DCAF13: variants seen among roughly 807,000 people sequenced by gnomAD.
DCAF13 encodes the protein DDB1- and CUL4-associated factor 13.
A neutral mutation model predicts 59.0 loss-of-function variants in DCAF13; 38 were observed. The ratio of observed to expected loss-of-function variants is 0.64; its 90% confidence interval spans 0.50 to 0.84. DCAF13 has a LOEUF of 0.84. Among genes scored for constraint, DCAF13 ranks in the 40% least tolerant of loss-of-function variants. DCAF13 has a pLI of 0.00. For missense variants in DCAF13, 469 were observed against 558.4 expected (o/e 0.84, Z 1.61); for synonymous variants, 173 against 175.0 (o/e 0.99, Z 0.09).
chr8:103,440,127 T>A lies in DCAF13; in HGVS notation c.951-9T>A. ...TCCAAAGGGTTTTAACTTAATTCGT[T>A]TTCTATAGGGAGGTATATCATACAA... On this transcript the variant is annotated splice_polypyrimidine_tract_variant and intron_variant, in intron 8 of 10. Transcript: ENST00000612750. The A allele has an allele frequency of 6.5e-7, 1 of 1,539,050 alleles. No individual in the cohort carries two copies. Among genetic ancestry groups the A allele is most frequent in the Non-Finnish European group, 8.7e-7 (1 of 1,150,754 alleles).
intron 10 of DCAF13, 191 bp downstream of exon 10, chr8:103,441,809 G>A (rs56413813): frequency 0.013 from 6,922 of 518,292 alleles, 62 homozygotes; most frequent in Non-Finnish European, 0.019. Flanking sequence ...ACGGAGTCTC[G>A]CTCTGGAGTG....
intron 8 of DCAF13, chr8:103,439,883 T>C (rs1816984512): frequency 1.2e-5 from 3 of 245,398 alleles, no homozygotes; most frequent in Admixed American, 1.1e-4. Flanking sequence ...TACATCTGGT[T>C]TTGCTTAGTT....
At chr8:103,437,788 A>T (rs1816951653) in intron 8 of DCAF13, among the ~76,000 whole-genome samples, 1 of 152,212 alleles carries the variant, frequency 6.6e-6, no homozygotes, top group African/African-American at 2.4e-5. Context: ...TATTATTTTT[A>T]AAATAAATTT....
rs1159489554 is a variant in DCAF13, at chr8:103,418,866, ATTTTTTTTTTTTTTTTT to A, written c.71-1379_71-1363del. 7.8e-3 allele frequency among the ~76,000 whole-genome samples: 298 copies of A among 38,436 alleles called. 6 individuals are homozygous for A. Among genetic ancestry groups the A allele is most frequent in the East Asian group, 0.023 (32 of 1,420 alleles). 25.2% of individuals were successfully genotyped at this position (38,436 alleles called of 152,430 possible). On this transcript the variant is annotated intron_variant, in intron 1 of 10. Coordinates refer to ENST00000612750, the MANE Select transcript of DCAF13 (RefSeq NM_015420.7). ...TATATATATATATATATATATATAT[ATTTTTTTTTTTTTTTTT>A]TTTTTTTTTTTTTTTTTTGAGATGA...
rs374540163 is a variant in DCAF13 at position 103,415,511 on chromosome 8, A to G, written c.65A>G (p.Gln22Arg). 3 of 1,608,238 alleles carry G rather than the reference A, an allele frequency of 1.9e-6. No individual in the cohort carries two copies. In the African/African-American group the frequency reaches 4.0e-5, roughly 21 times the overall value. ...GTCCGCGAAACCAAGTTGGACTTAC[A>G]GAGAGGTAAGATAAGTTGGTAGGGA... ...NYVRETKLDL[Q>R]RVPRNYDPAL... Residue 22 changes from glutamine (Q) to arginine (R), a missense_variant, in exon 1 of 11, where the codon CAG becomes CGG. Coordinates refer to ENST00000612750, the MANE Select transcript of DCAF13 (RefSeq NM_015420.7).
chr8:103,418,014 G>A (rs933340754), intron 1 of DCAF13, among the ~76,000 whole-genome samples: 7 of 151,838 alleles, frequency 4.6e-5, no homozygotes, highest in African/African-American at 1.7e-4. Flanking sequence ...TGTAGTCCCA[G>A]CTACTCGGGA....
intron 8 of DCAF13, among the ~76,000 whole-genome samples, chr8:103,437,610 A>T (rs1816949554): frequency 6.6e-6 from 1 of 152,080 alleles, no homozygotes; most frequent in Non-Finnish European, 1.5e-5. Flanking sequence ...GTGTTTAGAT[A>T]TAAATGGTGT....
At position 103,421,021 on chromosome 8, in the gene DCAF13, A is replaced by G. The variant is rs373378051; in HGVS notation, c.317A>G (p.Gln106Arg). Reference sequence around the variant, plus strand: ...CAGCGGAATTGTATCCGTACAATACAAGCACATGAAGGCTTTGTACGAGGA... The same window carrying G: ...CAGCGGAATTGTATCCGTACAATACGAGCACATGAAGGCTTTGTACGAGGA... ...LTQRNCIRTIQAHEGFVRGIC... is the reference protein window; with the variant it reads ...LTQRNCIRTIRAHEGFVRGIC... The change falls in exon 3 of 11, where the codon CAA becomes CGA. Residue 106 changes from glutamine (Q) to arginine (R), a missense_variant. By Grantham distance (43) the Gln-to-Arg change is conservative. Around this residue, in one of 3 missense-constraint regions of DCAF13, gnomAD observed 355 missense variants for 399.1 expected, o/e 0.89. Coordinates refer to ENST00000612750, the MANE Select transcript of DCAF13 (RefSeq NM_015420.7). 1.2e-6 allele frequency: 2 copies of G among 1,613,814 alleles called. No individual in the cohort carries two copies. The highest frequency in any genetic ancestry group is 1.7e-5 in the Admixed American group (1 of 60,016).
At chr8:103,423,014 A>C (rs988721714) in intron 3 of DCAF13, among the ~76,000 whole-genome samples, 2 of 152,056 alleles carry the variant, frequency 1.3e-5, no homozygotes, top group African/African-American at 4.8e-5. Flanking sequence ...AAAAAAACTT[A>C]TTTGCTGTCA....
chr8:103,435,948 G>A (rs777471920), intron 8 of DCAF13, among the ~76,000 whole-genome samples, 158 bp downstream of exon 8: 4 of 152,198 alleles, frequency 2.6e-5, no homozygotes, highest in Non-Finnish European at 2.9e-5. Context: ...CACCTAGGCT[G>A]TGTGGTCATA....
intron 7 of DCAF13, 56 bp from the exon 8 acceptor site, chr8:103,435,570 C>T: frequency 7.2e-7 from 1 of 1,381,394 alleles, no homozygotes; most frequent in Non-Finnish European, 9.7e-7. Flanking sequence ...TCTTTTAGTA[C>T]TGCATATGGC....
rs1401294497 is a variant in DCAF13 at position 103,415,387 on chromosome 8, T to C, written c.-60T>C. The C allele has an allele frequency of 2.5e-6, 4 of 1,613,542 alleles. No individual in the cohort carries two copies. The highest frequency in any genetic ancestry group is 1.7e-5 in the Admixed American group (1 of 59,982). On this transcript the variant is annotated 5_prime_UTR_variant, in exon 1 of 11. Transcript: ENST00000612750. Reference sequence around the variant, plus strand: ...AGCGGAAGTCGCCTGTGGGAGGAGGTGGCGGTGGGCGGAACTCCTAGCGGA... The same window carrying C: ...AGCGGAAGTCGCCTGTGGGAGGAGGCGGCGGTGGGCGGAACTCCTAGCGGA...
At position 103,427,123 on chromosome 8, in the gene DCAF13, C is replaced by T. The variant is rs1816800978; in HGVS notation, c.495C>T (p.His165=). 6 of 1,612,954 alleles carry T rather than the reference C, an allele frequency of 3.7e-6. No homozygotes were observed. Among genetic ancestry groups the T allele is most frequent in the Non-Finnish European group, 5.1e-6 (6 of 1,179,566 alleles). ...CAGTGTATACTGGGATTGATCATCACTGGAAAGAAGCTGTTTTTGCCACAT... is the reference window on the plus strand; with the variant it reads ...CAGTGTATACTGGGATTGATCATCATTGGAAAGAAGCTGTTTTTGCCACAT... ...GKTVYTGIDH[H]WKEAVFATCG... is the part of the protein sequence containing the mutation. The change falls in exon 5 of 11, where the codon CAC becomes CAT. Residue 165 remains histidine (H), a synonymous_variant. Transcript: ENST00000612750.
At chr8:103,441,157 A>G (rs757845018) in intron 9 of DCAF13, 2 of 227,510 alleles carry the variant, frequency 8.8e-6, no homozygotes, top group Non-Finnish European at 1.7e-5. Flanking sequence ...GTGCTTTTCT[A>G]TGTTATTGAT....
chr8:103,430,572 G>T (rs1816849658), intron 5 of DCAF13, 40 bp from the exon 6 acceptor site: 1 of 1,440,048 alleles, frequency 6.9e-7, no homozygotes, highest in Admixed American at 1.9e-5. Flanking sequence ...TTTGCTGCCA[G>T]GTCTGGCTTT....
intron 1 of DCAF13, among the ~76,000 whole-genome samples, chr8:103,418,860 A>ATATT (rs1563724060): frequency 5.8e-5 from 2 of 34,632 alleles, no homozygotes; most frequent in African/African-American, 1.5e-4. Context: ...ATATATATAT[A>ATATT]TATATATTTT....
In DCAF13 at chr8:103,440,165, A is replaced by G. The variant is rs374177027; in HGVS notation, c.980A>G (p.His327Arg). Reference protein sequence around the residue: ...REVYHTKRMQHVICVKWTSDS... With the variant: ...REVYHTKRMQRVICVKWTSDS... ...GTATATCATACAAAGAGAATGCAAC[A>G]TGTTATCTGTGTAAAATGGACTTCT... is the stretch of plus-strand genomic sequence containing the variant. The change falls in exon 9 of 11, where the codon CAT becomes CGT. Residue 327 changes from histidine to arginine, a missense_variant. Physicochemically the swap from His to Arg is conservative, Grantham distance 29. Coordinates refer to ENST00000612750, the MANE Select transcript of DCAF13 (RefSeq NM_015420.7). The G allele has an allele frequency of 1.9e-5, 30 of 1,601,018 alleles. No individual in the cohort carries two copies. The highest frequency in any genetic ancestry group is 9.5e-5 in the African/African-American group (7 of 74,036).
chr8:103,439,000 T>C (rs1372107615), intron 8 of DCAF13, among the ~76,000 whole-genome samples: 2 of 152,184 alleles, frequency 1.3e-5, no homozygotes, highest in Non-Finnish European at 2.9e-5. Context: ...CTCCATTTAT[T>C]AAATGATTCT....
intron 6 of DCAF13, among the ~76,000 whole-genome samples, chr8:103,431,319 G>C (rs188143359): frequency 6.6e-6 from 1 of 152,232 alleles, no homozygotes; most frequent in African/African-American, 2.4e-5. Context: ...TAAGTAAAAG[G>C]GTATAAAGTT....
Sources: gnomAD v4.1 joint callset for allele counts (sites outside exome capture counted in the v4.1 genomes callset) on GRCh38, gnomAD v4.1.1 for gene constraint, gnomAD v4.1.1 regional missense constraint, MANE v1.5 for transcripts, NCBI Gene and HGNC (gene_info 2026-07-23, HGNC 2026-07-21) for gene names.